The following ZNF558 variants were observed in gnomAD, a reference collection of about 807,000 sequenced individuals.
ZNF558 encodes the protein zinc finger protein 558.
Under a neutral mutation model 37.6 loss-of-function variants are expected in ZNF558, and 23 were observed. That is an observed-to-expected ratio of 0.61 (90% CI 0.44 to 0.87). The LOEUF (loss-of-function observed/expected upper bound fraction) is 0.87. ZNF558 is among the 40% of genes least tolerant of loss of function. ZNF558 has a pLI of 0.00. For missense variants in ZNF558, 429 were observed against 483.7 expected (o/e 0.89, Z 1.06); for synonymous variants, 189 against 174.4 (o/e 1.08, Z -0.66).
At chr19:8,815,425 G>C (rs782148305) in intron 7 of ZNF558, among the ~76,000 whole-genome samples, 3 of 152,082 alleles carry the variant, frequency 2.0e-5, no homozygotes, top group Non-Finnish European at 4.4e-5. Context: ...TATCTGAGCA[G>C]GCAGAAGACA....
At chr19:8,833,982 C>G (rs2044422513), upstream of ZNF558, among the ~76,000 whole-genome samples, 1 of 148,098 alleles carries the variant, frequency 6.8e-6, no homozygotes, top group African/African-American at 2.4e-5. Context: ...AGCAAGACTC[C>G]ATCTCAAAAA....
chr19:8,834,606 A>G (rs2044433307), upstream of ZNF558, among the ~76,000 whole-genome samples: 1 of 104,038 alleles, frequency 9.6e-6, no homozygotes, highest in Admixed American at 1.2e-4. Flanking sequence ...GACTCCATCA[A>G]AAAAAAAAAA....
upstream of ZNF558, among the ~76,000 whole-genome samples, chr19:8,836,749 C>T (rs1424096218): frequency 6.6e-6 from 1 of 152,174 alleles, no homozygotes; most frequent in African/African-American, 2.4e-5. Context: ...GCCTTGGCTG[C>T]CCAAAGTGCT....
chr19:8,810,059 A>G lies in ZNF558; in HGVS notation c.*1222T>C, dbSNP rs1280822202. 1 of 152,226 alleles carries G rather than the reference A, an allele frequency of 6.6e-6. No individual in the cohort carries two copies. Among genetic ancestry groups the G allele is most frequent in the Non-Finnish European group, 1.5e-5 (1 of 68,046 alleles). The allele number at this position is 152,226 out of a possible 1,614,324, so 9.4% of individuals were successfully genotyped here. ...GGAGAAGTTCCATATTTTCCCTAACACAGAGGCATCACTGAAGGCTTTCTC... is the reference window on the plus strand; with the variant it reads ...GGAGAAGTTCCATATTTTCCCTAACGCAGAGGCATCACTGAAGGCTTTCTC... On this transcript the variant is annotated 3_prime_UTR_variant, in exon 10 of 10. Coordinates refer to ENST00000601372, the MANE Select transcript of ZNF558 (RefSeq NM_144693.3).
chr19:8,824,735 T>G (rs1278046445), intron 3 of ZNF558, among the ~76,000 whole-genome samples: 6 of 152,126 alleles, frequency 3.9e-5, no homozygotes, highest in Admixed American at 2.0e-4. Context: ...CTCGAAGCTC[T>G]CTCCTCCGCC....
chr19:8,819,335 C>T lies in ZNF558; in HGVS notation c.247+1845G>A, dbSNP rs531401629. Among the ~76,000 whole-genome samples, 73 of 152,198 alleles carry T rather than the reference C, an allele frequency of 4.8e-4. 3 individuals are homozygous for T. The highest frequency in any genetic ancestry group is 1.8e-3 in the African/African-American group (73 of 41,572). On this transcript the variant is annotated intron_variant, in intron 7 of 9. Coordinates refer to ENST00000601372, the MANE Select transcript of ZNF558 (RefSeq NM_144693.3). Reference sequence around the variant, plus strand: ...AGGTGGGATTACAGGCACCTGCCACCACGCCTGGCTAATTTTTGCATTTTT... The same window carrying T: ...AGGTGGGATTACAGGCACCTGCCACTACGCCTGGCTAATTTTTGCATTTTT...
upstream of ZNF558, among the ~76,000 whole-genome samples, chr19:8,834,947 G>GATTTATCTGAT (rs2044438765): frequency 2.6e-5 from 4 of 151,494 alleles, no homozygotes; most frequent in Admixed American, 2.6e-4. Context: ...ACTGGGTGAA[G>GATTTATCTGAT]ACATTTACAA....
rs781820492 is a variant in ZNF558 at position 8,812,553 on chromosome 19, A to AGTCTT, written c.426+3_426+7dup. ...TAGAAAACCAGAAATCACCCATGTT[A>AGTCTT]GTCTTACCGTTTTTACACCTTTAGA... is the stretch of plus-strand genomic sequence containing the variant. On this transcript the variant is annotated splice_region_variant and intron_variant, in intron 9 of 9. Transcript: ENST00000601372. The AGTCTT allele has an allele frequency of 1.3e-6, 2 of 1,546,504 alleles. No individual in the cohort carries two copies. Among genetic ancestry groups the AGTCTT allele is most frequent in the South Asian group, 2.5e-5 (2 of 79,038 alleles).
In ZNF558 at chr19:8,811,412, G is replaced by A. The variant is rs782741024; in HGVS notation, c.1078C>T (p.Leu360Phe). 1 of 1,614,018 alleles carries A rather than the reference G, an allele frequency of 6.2e-7. No homozygotes were observed. Among genetic ancestry groups the A allele is most frequent in the South Asian group, 1.1e-5 (1 of 91,076 alleles). Residue 360 changes from leucine (L) to phenylalanine (F), a missense_variant, in exon 10 of 10, where the codon CTC (leucine) becomes TTC (phenylalanine). Transcript: ENST00000601372. ...CSDCGKAFNN[L>F]SAVKKHLRTH... ...CTTAAGTGTTTCTTCACAGCTGAGAGATTATTAAAGGCTTTTCCACAGTCA... is the reference window on the plus strand; with the variant it reads ...CTTAAGTGTTTCTTCACAGCTGAGAAATTATTAAAGGCTTTTCCACAGTCA...
At chr19:8,827,328 G>T (rs2044253831) in intron 2 of ZNF558, among the ~76,000 whole-genome samples, 1 of 151,788 alleles carries the variant, frequency 6.6e-6, no homozygotes, top group South Asian at 2.1e-4. Context: ...TATTTTTTTT[G>T]GGAGCAATCA....
At chr19:8,828,944 C>T (rs2044290311) in intron 2 of ZNF558, among the ~76,000 whole-genome samples, 1 of 147,348 alleles carries the variant, frequency 6.8e-6, no homozygotes, top group East Asian at 2.0e-4. Context: ...GCCTGGGTGA[C>T]CAAGTGAGAT....
chr19:8,826,304 T>G (rs1311845545), intron 2 of ZNF558, among the ~76,000 whole-genome samples: 1 of 151,990 alleles, frequency 6.6e-6, no homozygotes. Flanking sequence ...CACATTACAT[T>G]TATTCTGCAC....
chr19:8,814,819 C>A (rs542640316), intron 7 of ZNF558, among the ~76,000 whole-genome samples: 2 of 152,312 alleles, frequency 1.3e-5, no homozygotes, highest in African/African-American at 4.8e-5. Context: ...GGTGGCCACA[C>A]ATGACAAATA....
At chr19:8,813,844 A>G (rs1006977676) in intron 7 of ZNF558, among the ~76,000 whole-genome samples, 29 of 152,218 alleles carry the variant, frequency 1.9e-4, no homozygotes, top group Non-Finnish European at 1.3e-4. Flanking sequence ...AGTCAGGACA[A>G]GAAATAGATC....
At position 8,822,056 on chromosome 19, in the gene ZNF558, CT is replaced by C. The variant is rs2044106550; in HGVS notation, c.66del (p.Gly23AspfsTer13). On this transcript the variant is annotated frameshift_variant, in exon 6 of 10. Coordinates refer to ENST00000601372, the MANE Select transcript of ZNF558 (RefSeq NM_144693.3). LOFTEE classifies it high-confidence loss of function. This position sits in a 1 kb window ranked among gnomAD's most constrained non-coding sequence, Gnocchi z 4.4. ...ACCAGCTCTCCGCCCTGTGTGTGTC[CT>C]TTTTGCTGAGAGGCTGGGAACAGGG... is the stretch of plus-strand genomic sequence containing the variant. The part of the protein sequence containing the change: ...PSSLFPASQQ[K>X]GHTQGGELVN... 6.2e-7 allele frequency: 1 copy of C among 1,614,018 alleles called. No homozygotes were observed. The highest frequency in any genetic ancestry group is 8.5e-7 in the Non-Finnish European group (1 of 1,179,956).
Position 8,811,951 on chromosome 19 carries a change from T to C in ZNF558, c.539A>G (p.Tyr180Cys), listed in dbSNP as rs1555768324. 2 of 1,614,024 alleles carry C rather than the reference T, an allele frequency of 1.2e-6. No individual in the cohort carries two copies. Among genetic ancestry groups the C allele is most frequent in the African/African-American group, 2.7e-5 (2 of 74,922 alleles). ...HKRIHTGEKP[Y>C]DCSQCGKSFS... ...GGACTTCCCACATTGACTACAGTCA[T>C]AGGGTTTTTCTCCAGTATGAATTCT... The change falls in exon 10 of 10, where the codon TAT becomes TGT. Residue 180 changes from tyrosine (Y) to cysteine (C), a missense_variant. Physicochemically the swap from Tyr to Cys is radical, Grantham distance 194 (BLOSUM62 -2). Coordinates refer to ENST00000601372, the MANE Select transcript of ZNF558 (RefSeq NM_144693.3).
At chr19:8,813,663 C>A (rs1203569571) in intron 7 of ZNF558, among the ~76,000 whole-genome samples, 1 of 152,194 alleles carries the variant, frequency 6.6e-6, no homozygotes, top group Non-Finnish European at 1.5e-5. Context: ...CCACGCCCTG[C>A]CAATTATACC....
At position 8,821,184 on chromosome 19, in the gene ZNF558, T is replaced by C; in HGVS notation, c.243A>G (p.Ser81=). ...VMLENCRNLA[S]LGCRVNKPSL... The stretch of plus-strand genomic sequence containing the variant: ...CAGGAATGACATTAGGCTTACCTAG[T>C]GAGGCCAGGTTCCTGCAGTTCTCCA... Residue 81 remains serine (S), a synonymous_variant, in exon 7 of 10, where the codon TCA becomes TCG. Transcript: ENST00000601372. 3.7e-6 allele frequency: 6 copies of C among 1,613,878 alleles called. No individual in the cohort carries two copies. Among genetic ancestry groups the C allele is most frequent in the Non-Finnish European group, 5.1e-6 (6 of 1,179,800 alleles).
rs571329792 is a variant in ZNF558 at position 8,820,866 on chromosome 19, G to A, written c.247+314C>T. Among the ~76,000 whole-genome samples the A allele has an allele frequency of 8.5e-5, 13 of 152,286 alleles. No homozygotes were observed. The South Asian group carries it at 2.7e-3, about 32-fold the overall frequency. ...AATTACATTTATATGATATGTTCTGGATAGGTAAATTCCTAAAGACAGACA... is the reference window on the plus strand; with the variant it reads ...AATTACATTTATATGATATGTTCTGAATAGGTAAATTCCTAAAGACAGACA... On this transcript the variant is annotated intron_variant, in intron 7 of 9. Coordinates refer to ENST00000601372, the MANE Select transcript of ZNF558 (RefSeq NM_144693.3).
Sources: allele counts gnomAD v4.1 joint callset (sites outside exome capture counted in the v4.1 genomes callset), GRCh38; gene constraint gnomAD v4.1.1; non-coding constraint Gnocchi (gnomAD v3.1); transcripts MANE v1.5; gene names NCBI Gene and HGNC (gene_info 2026-07-23, HGNC 2026-07-21).